The following CHM variants were observed in gnomAD, a reference collection of about 807,000 sequenced individuals.
CHM encodes the protein CHM Rab escort protein.
In CHM, 10 loss-of-function variants were observed where a neutral mutation model predicts 49.0. The observed-to-expected ratio is 0.20, with a 90% CI of 0.13 to 0.35. The LOEUF (loss-of-function observed/expected upper bound fraction) is 0.35. CHM is among the 10% of genes least tolerant of loss of function. The pLI is 1.00. For synonymous variants in CHM, 184 were observed against 167.5 expected (o/e 1.10, Z -0.76); for missense variants, 455 against 478.4 (o/e 0.95, Z 0.46).
chrX:86,001,959 T>C (rs1932748446), intron 2 of CHM, among the ~76,000 whole-genome samples: 1 of 110,605 alleles, frequency 9.0e-6, no homozygotes, highest in Admixed American at 9.7e-5. Flanking sequence ...ACTCTGAAAA[T>C]TGCATGCAAT....
Position 86,021,077 on chromosome X carries a change from TAC to T in CHM, c.116+6412_116+6413del, listed in dbSNP as rs1569254835. On this transcript the variant is annotated intron_variant, in intron 2 of 14. Transcript: ENST00000357749. ...ACACACATATATATACACATATATA[TAC>T]ACACATATATATACACATATATATA... is the stretch of plus-strand genomic sequence containing the variant. Among the ~76,000 whole-genome samples, 6 of 95,443 alleles carry T rather than the reference TAC, an allele frequency of 6.3e-5. No individual in the cohort carries two copies. The South Asian group carries it at 1.4e-3, about 23-fold the overall frequency. The allele number at this position is 95,443 out of a possible 115,157, so 82.9% of individuals were successfully genotyped here. A position where few individuals can be genotyped will look rare whatever the true frequency, so the allele number is the denominator to read the frequency against.
Position 85,864,547 on chromosome X carries a change from T to C in CHM, c.*83A>G, listed in dbSNP as rs1240017083. The C allele has an allele frequency of 1.4e-5, 12 of 859,956 alleles. No individual in the cohort carries two copies. Among genetic ancestry groups the C allele is most frequent in the Non-Finnish European group, 5.1e-6 (3 of 590,717 alleles). 70.9% of individuals were successfully genotyped at this position (859,956 alleles called of 1,213,427 possible). ...TTATAATTGCTGCTGCTTTCTAACATTTCTCAAACAGTCCTTCTATCAAGT... is the reference window on the plus strand; with the variant it reads ...TTATAATTGCTGCTGCTTTCTAACACTTCTCAAACAGTCCTTCTATCAAGT... On this transcript the variant is annotated 3_prime_UTR_variant, in exon 15 of 15. Transcript: ENST00000357749.
chrX:86,021,344 T>A (rs1363181795), intron 2 of CHM, among the ~76,000 whole-genome samples: 1 of 107,470 alleles, frequency 9.3e-6, no homozygotes, highest in African/African-American at 3.4e-5. Context: ...TTAGTTGATT[T>A]AATCCCATCA....
chrX:85,995,543 A>C (rs1932401801), intron 2 of CHM, among the ~76,000 whole-genome samples: 1 of 112,141 alleles, frequency 8.9e-6, no homozygotes, highest in African/African-American at 3.2e-5. Context: ...AAAGAGCACA[A>C]GCTTTGTTGT....
At chrX:85,930,607 G>C (rs1928371252) in intron 8 of CHM, among the ~76,000 whole-genome samples, 1 of 111,583 alleles carries the variant, frequency 9.0e-6, no homozygotes, top group Admixed American at 9.6e-5. Flanking sequence ...TACATTCTAG[G>C]GAAAAATGCC....
intron 2 of CHM, among the ~76,000 whole-genome samples, chrX:85,992,994 G>T (rs1932276991): frequency 9.0e-6 from 1 of 111,608 alleles, no homozygotes; most frequent in Non-Finnish European, 1.9e-5. Context: ...ATACACAAAG[G>T]TTGCCCTCAA....
chrX:85,912,516 AAAT>A (rs1374432678), intron 8 of CHM, among the ~76,000 whole-genome samples: 1 of 111,538 alleles, frequency 9.0e-6, no homozygotes, highest in Non-Finnish European at 1.9e-5. Flanking sequence ...AAACACAGGA[AAAT>A]AATAATGGAA....
chrX:85,885,328 C>A (rs894275391), intron 12 of CHM, among the ~76,000 whole-genome samples: 4 of 109,362 alleles, frequency 3.7e-5, no homozygotes, highest in Non-Finnish European at 5.7e-5. Flanking sequence ...TACATCTTCA[C>A]ATATAGATTG....
chrX:85,879,573 A>G (rs1209401432), intron 12 of CHM, among the ~76,000 whole-genome samples: 1 of 111,879 alleles, frequency 8.9e-6, no homozygotes, highest in African/African-American at 3.2e-5. Flanking sequence ...GGAATTTCAA[A>G]TTATTTTCCT....
At chrX:85,975,401 A>C (rs62608940) in intron 4 of CHM, among the ~76,000 whole-genome samples, 18,975 of 111,430 alleles carry the variant, frequency 0.17, 1,550 homozygotes, top group Non-Finnish European at 0.25. Context: ...AAACAGTAAG[A>C]TGTTTCTCAA....
At chrX:85,970,162 A>G (rs1409440248) in intron 4 of CHM, 1 of 396,919 alleles carries the variant, frequency 2.5e-6, no homozygotes, top group Non-Finnish European at 3.2e-6. Flanking sequence ...TGATCATTCT[A>G]CAATGTTTAT....
At chrX:85,879,379 C>A (rs1419053235) in intron 12 of CHM, among the ~76,000 whole-genome samples, 15 of 111,847 alleles carry the variant, frequency 1.3e-4, no homozygotes, top group Non-Finnish European at 3.8e-5. Flanking sequence ...TAAGAGAACA[C>A]ACTTCATATA....
intron 12 of CHM, among the ~76,000 whole-genome samples, chrX:85,887,249 G>A (rs764727193): frequency 9.0e-6 from 1 of 110,572 alleles, no homozygotes; most frequent in Non-Finnish European, 1.9e-5. Context: ...AATGGTGACA[G>A]GTCTTTCCCA....
At chrX:85,901,015 G>A in intron 10 of CHM, 69 bp downstream of exon 10, 1 of 741,785 alleles carries the variant, frequency 1.3e-6, no homozygotes, top group Admixed American at 2.6e-5. Context: ...CATGTTACTT[G>A]AAGAACAGAA....
chrX:85,909,703 A>G (rs761344691), intron 9 of CHM, among the ~76,000 whole-genome samples: 1 of 112,222 alleles, frequency 8.9e-6, no homozygotes, highest in East Asian at 2.8e-4. Context: ...CTTTAGTTCA[A>G]CAAAGGCAAT....
intron 9 of CHM, among the ~76,000 whole-genome samples, chrX:85,910,819 A>G (rs1283404173): frequency 9.3e-6 from 1 of 108,014 alleles, no homozygotes; most frequent in Non-Finnish European, 1.9e-5. Flanking sequence ...CTTTGTTGTC[A>G]TCTGATGAAA....
intron 12 of CHM, among the ~76,000 whole-genome samples, chrX:85,883,943 G>A (rs951879756): frequency 6.3e-5 from 7 of 111,015 alleles, no homozygotes; most frequent in African/African-American, 2.0e-4. Context: ...TCTAGTGTAT[G>A]AGTAAGTACT....
At chrX:85,902,573 C>T (rs987138744) in intron 9 of CHM, among the ~76,000 whole-genome samples, 1 of 111,330 alleles carries the variant, frequency 9.0e-6, no homozygotes, top group East Asian at 2.8e-4. Context: ...TTCTCTTCTA[C>T]ACTTCTGTTT....
At chrX:85,907,229 G>C (rs1234544111) in intron 9 of CHM, among the ~76,000 whole-genome samples, 1 of 112,363 alleles carries the variant, frequency 8.9e-6, no homozygotes, top group Non-Finnish European at 1.9e-5. Context: ...CATCAAGAAA[G>C]AGTCATAGTA....
Sources: gnomAD v4.1 joint callset for allele counts (sites outside exome capture counted in the v4.1 genomes callset) on GRCh38, gnomAD v4.1.1 for gene constraint, MANE v1.5 for transcripts, NCBI Gene and HGNC (gene_info 2026-07-23, HGNC 2026-07-21) for gene names.